CA10: variants seen among roughly 807,000 people sequenced by gnomAD.
The protein encoded by CA10 is carbonic anhydrase-related protein 10.
CA10 carries 14 observed loss-of-function variants against 44.2 expected under a neutral mutation model. The observed-to-expected ratio is 0.32, with a 90% CI of 0.21 to 0.50. The LOEUF (loss-of-function observed/expected upper bound fraction) is 0.50, where lower values mean the gene tolerates loss of function less well. Ranked by LOEUF, CA10 falls within the 20% of genes least tolerant of loss-of-function variation. CA10 has a pLI of 0.99. For missense variants in CA10, 350 were observed against 409.7 expected, an observed-to-expected ratio of 0.85 and a Z score of 1.26; for synonymous variants, 159 against 141.6, an observed-to-expected ratio of 1.12 and a Z score of -0.87.
chr17:52,098,622 T>C (rs997996254), intron 1 of CA10, among the ~76,000 whole-genome samples: 1 of 152,178 alleles, frequency 6.6e-6, no homozygotes, highest in African/African-American at 2.4e-5. Flanking sequence ...TACTTCATCT[T>C]CTATTTATGG....
intron 3 of CA10, among the ~76,000 whole-genome samples, chr17:51,872,032 G>C (rs1353711082): frequency 6.6e-6 from 1 of 152,152 alleles, no homozygotes; most frequent in Admixed American, 6.5e-5. Flanking sequence ...TTTGAATTTT[G>C]ACTGAGGAAT....
chr17:52,096,499 G>A (rs114047394), intron 1 of CA10, among the ~76,000 whole-genome samples: 49 of 150,976 alleles, frequency 3.2e-4, no homozygotes, highest in African/African-American at 1.0e-3. Flanking sequence ...AGGACAGAGC[G>A]AACAATCTTT....
intron 2 of CA10, among the ~76,000 whole-genome samples, chr17:51,993,505 C>T (rs772469583): frequency 4.6e-5 from 7 of 151,984 alleles, no homozygotes; most frequent in Admixed American, 1.3e-4. Context: ...TATTTATTAG[C>T]ATCCGTGTAA....
intron 3 of CA10, among the ~76,000 whole-genome samples, chr17:51,876,293 A>T (rs1206871635): frequency 6.9e-6 from 1 of 144,462 alleles, no homozygotes; most frequent in African/African-American, 2.6e-5. Context: ...CGGCCTCTTG[A>T]GTAGCTGGGA....
chr17:51,920,739 G>C (rs1262933938), intron 3 of CA10, among the ~76,000 whole-genome samples: 1 of 152,152 alleles, frequency 6.6e-6, no homozygotes, highest in Non-Finnish European at 1.5e-5. Flanking sequence ...ACAACAGAAT[G>C]CTTCTGCACT....
chr17:52,095,790 C>T (rs1598212045), intron 1 of CA10, among the ~76,000 whole-genome samples: 1 of 152,292 alleles, frequency 6.6e-6, no homozygotes, highest in East Asian at 1.9e-4. Flanking sequence ...TCCCCAAACT[C>T]CAGCCTCACT....
At chr17:52,113,283 C>T (rs1166921363) in intron 1 of CA10, among the ~76,000 whole-genome samples, 9 of 152,180 alleles carry the variant, frequency 5.9e-5, no homozygotes, top group Admixed American at 4.6e-4. Flanking sequence ...GAAAAACCCA[C>T]CTTTTTGAGA....
chr17:51,692,238 T>C (rs1230799208), intron 4 of CA10, among the ~76,000 whole-genome samples: 1 of 28,056 alleles, frequency 3.6e-5, no homozygotes, highest in Non-Finnish European at 9.2e-5. Flanking sequence ...TTCTTAGGGT[T>C]TTTTTTTTTT....
intron 1 of CA10, among the ~76,000 whole-genome samples, chr17:52,078,360 T>C (rs1987872636): frequency 1.3e-5 from 2 of 152,150 alleles, no homozygotes; most frequent in South Asian, 4.1e-4. Flanking sequence ...AGTCAAAACA[T>C]ACCAAACCAT....
chr17:51,995,018 T>A (rs1485952814), intron 2 of CA10, among the ~76,000 whole-genome samples: 3 of 152,072 alleles, frequency 2.0e-5, no homozygotes, highest in Non-Finnish European at 2.9e-5. Flanking sequence ...AGGTCTTTTT[T>A]TCTTTCCTAT....
chr17:51,865,970 A>G (rs1395817150), intron 3 of CA10, among the ~76,000 whole-genome samples: 1 of 152,258 alleles, frequency 6.6e-6, no homozygotes, highest in East Asian at 1.9e-4. Context: ...GGGCAGATAT[A>G]AAAATGATGC....
chr17:51,991,584 C>T (rs575290024), intron 2 of CA10, among the ~76,000 whole-genome samples: 10 of 152,118 alleles, frequency 6.6e-5, no homozygotes, highest in East Asian at 3.9e-4. Context: ...CAGAGGTGGG[C>T]GGATCACCAG....
At chr17:51,656,495 A>C (rs893886803) in intron 4 of CA10, among the ~76,000 whole-genome samples, 2 of 152,218 alleles carry the variant, frequency 1.3e-5, no homozygotes, top group Non-Finnish European at 2.9e-5. Context: ...GGTTTCTATT[A>C]GTAGTTGTTG....
At chr17:51,876,390 C>T (rs1329118464) in intron 3 of CA10, among the ~76,000 whole-genome samples, 2 of 149,526 alleles carry the variant, frequency 1.3e-5, no homozygotes, top group Non-Finnish European at 3.0e-5. Flanking sequence ...TCTATGTTGC[C>T]CAGGCTGGTC....
intron 6 of CA10, among the ~76,000 whole-genome samples, chr17:51,648,808 G>A (rs919798994): frequency 9.9e-5 from 15 of 152,232 alleles, no homozygotes; most frequent in Middle Eastern, 3.4e-3. Flanking sequence ...TAAATGTTGC[G>A]ATTGGATCCA....
intron 1 of CA10, among the ~76,000 whole-genome samples, chr17:52,152,220 T>A (rs998792717): frequency 7.2e-5 from 11 of 152,054 alleles, no homozygotes; most frequent in Non-Finnish European, 1.5e-4. Context: ...TCCAAAGAAA[T>A]GTTAGAATTT....
intron 2 of CA10, among the ~76,000 whole-genome samples, chr17:51,988,669 C>A (rs75651670): frequency 6.6e-6 from 1 of 151,468 alleles, no homozygotes; most frequent in Admixed American, 6.6e-5. Flanking sequence ...TTATTTTTAC[C>A]TTTCTACTAG....
intron 3 of CA10, among the ~76,000 whole-genome samples, chr17:51,757,015 T>C (rs2143628369): frequency 6.6e-6 from 1 of 152,224 alleles, no homozygotes; most frequent in East Asian, 1.9e-4. Flanking sequence ...GGCCACTCAG[T>C]GAAGAAGATT....
chr17:52,109,726 A>T (rs1026739543), intron 1 of CA10, among the ~76,000 whole-genome samples: 1 of 152,222 alleles, frequency 6.6e-6, no homozygotes, highest in African/African-American at 2.4e-5. Flanking sequence ...TAGGTCTCAC[A>T]TTCCATTATT....
Sources: gnomAD v4.1 joint callset for allele counts (sites outside exome capture counted in the v4.1 genomes callset) on GRCh38, gnomAD v4.1.1 for gene constraint, MANE v1.5 for transcripts, NCBI Gene and HGNC (gene_info 2026-07-23, HGNC 2026-07-21) for gene names.